Variants in SPECC1L observed in about 807,000 individuals in gnomAD.
SPECC1L encodes sperm antigen with calponin homology and coiled-coil domains 1 like.
A neutral mutation model predicts 116.8 loss-of-function variants in SPECC1L; 40 were observed. That is an observed-to-expected ratio of 0.34 (90% confidence interval 0.27 to 0.45). The LOEUF is 0.45. Among genes scored for constraint, SPECC1L ranks in the 20% least tolerant of loss-of-function variants. The pLI is 1.00. For missense variants in SPECC1L, 1,110 were observed against 1,373.6 expected (o/e 0.81, Z 3.03); for synonymous variants, 504 against 500.6 (o/e 1.01, Z -0.09).
chr22:24,362,878 G>A (rs145889162), intron 11 of SPECC1L, among the ~76,000 whole-genome samples: 1 of 152,148 alleles, frequency 6.6e-6, no homozygotes, highest in South Asian at 2.1e-4. Flanking sequence ...ATATTAATGT[G>A]TGTAGCTTCC....
intron 8 of SPECC1L, among the ~76,000 whole-genome samples, chr22:24,334,016 T>TG (rs1427866377): frequency 1.4e-5 from 2 of 148,118 alleles, no homozygotes; most frequent in African/African-American, 4.9e-5. Flanking sequence ...TTTTTGTTGT[T>TG]TTTTTTTTTT....
At chr22:24,271,076 AGAC>A (rs2048713220) in intron 1 of SPECC1L, 93 bp downstream of exon 1, 1 of 152,240 alleles carries the variant, frequency 6.6e-6, no homozygotes, top group Admixed American at 6.5e-5. Flanking sequence ...GCGTCCCCGC[AGAC>A]CCCGGCAGGC....
chr22:24,303,752 T>C (rs1262640239), intron 3 of SPECC1L, among the ~76,000 whole-genome samples: 1 of 152,086 alleles, frequency 6.6e-6, no homozygotes, highest in Admixed American at 6.6e-5. Context: ...GTGAGTACTT[T>C]TCCACTGTAA....
intron 10 of SPECC1L, among the ~76,000 whole-genome samples, chr22:24,344,500 C>T (rs1030206713): frequency 3.3e-5 from 5 of 151,642 alleles, no homozygotes; most frequent in Non-Finnish European, 7.4e-5. Flanking sequence ...AATGCTTTCC[C>T]ACCAGGATCA....
chr22:24,277,945 A>G (rs2048869049), intron 2 of SPECC1L, among the ~76,000 whole-genome samples: 1 of 152,252 alleles, frequency 6.6e-6, no homozygotes, highest in Non-Finnish European at 1.5e-5. Context: ...TATGTTAAAC[A>G]CTTTGAGAAA....
At chr22:24,397,537 A>G (rs1415777392) in intron 14 of SPECC1L, among the ~76,000 whole-genome samples, 2 of 152,184 alleles carry the variant, frequency 1.3e-5, no homozygotes, top group Non-Finnish European at 2.9e-5. Context: ...TCTTCCTCTG[A>G]AATACCAGTA....
At position 24,414,595 on chromosome 22, in the gene SPECC1L, C is replaced by A. The variant is rs1247798129; in HGVS notation, c.3326C>A (p.Thr1109Lys). 1.2e-6 allele frequency: 2 copies of A among 1,613,992 alleles called. No homozygotes were observed. Among genetic ancestry groups the A allele is most frequent in the Non-Finnish European group, 8.5e-7 (1 of 1,179,984 alleles). ...PDWQNVMLYV[T>K]AIYKYFET ...TGGCAGAACGTGATGCTGTATGTGACGGCGATCTACAAGTACTTTGAGACC... is the reference window on the plus strand; with the variant it reads ...TGGCAGAACGTGATGCTGTATGTGAAGGCGATCTACAAGTACTTTGAGACC... The change falls in exon 17 of 17, where the codon ACG (threonine) becomes AAG (lysine). Residue 1109 changes from threonine to lysine, a missense_variant. By Grantham distance (78) the Thr-to-Lys change is moderately conservative. Around this residue, in one of 4 missense-constraint regions of SPECC1L, gnomAD observed 76 missense variants for 148.5 expected, o/e 0.51. Coordinates refer to ENST00000314328, the MANE Select transcript of SPECC1L (RefSeq NM_015330.6).
chr22:24,369,049 G>A lies in SPECC1L; in HGVS notation c.2985-169G>A, dbSNP rs549700434. On this transcript the variant is annotated intron_variant, in intron 13 of 16. Transcript: ENST00000314328. The stretch of plus-strand genomic sequence containing the variant: ...GTTAGCAAAGAATTCTGACAACAGT[G>A]CATCTATGGAGCCATAAACTAAAAA... Among the ~76,000 whole-genome samples, 23 of 152,308 alleles carry A rather than the reference G, an allele frequency of 1.5e-4. 1 individual carries two copies. The East Asian group carries it at 4.4e-3, about 29-fold the overall frequency.
chr22:24,312,146 A>C (rs941340687), intron 3 of SPECC1L, among the ~76,000 whole-genome samples: 9 of 152,008 alleles, frequency 5.9e-5, no homozygotes, highest in African/African-American at 2.2e-4. Flanking sequence ...TTAGTTTTCA[A>C]ATTTTTTGTA....
At chr22:24,379,128 A>G (rs963636633) in intron 14 of SPECC1L, among the ~76,000 whole-genome samples, 3 of 152,136 alleles carry the variant, frequency 2.0e-5, no homozygotes, top group Non-Finnish European at 2.9e-5. Context: ...TTAGAACATT[A>G]TAAATTACTT....
chr22:24,317,770 C>T (rs1240003927), intron 4 of SPECC1L, among the ~76,000 whole-genome samples: 20 of 146,410 alleles, frequency 1.4e-4, no homozygotes, highest in Non-Finnish European at 1.6e-4. Flanking sequence ...TCAGACGGGG[C>T]GGCTGCTGGG....
chr22:24,285,488 A>G (rs1304543100), intron 2 of SPECC1L, among the ~76,000 whole-genome samples: 2 of 152,134 alleles, frequency 1.3e-5, no homozygotes, highest in South Asian at 2.1e-4. Flanking sequence ...ATTCTACCCA[A>G]CCAGTCTGAG....
In SPECC1L at chr22:24,417,534, C is replaced by G. The variant is rs1055374839; in HGVS notation, c.*2911C>G. On this transcript the variant is annotated 3_prime_UTR_variant, in exon 17 of 17. Coordinates refer to ENST00000314328, the MANE Select transcript of SPECC1L (RefSeq NM_015330.6). Reference sequence around the variant, plus strand: ...TGACAGATGCCAAGACCCCAGAGACCGTGGCAGAGCTACCCCCAGGAGAGC... The same window carrying G: ...TGACAGATGCCAAGACCCCAGAGACGGTGGCAGAGCTACCCCCAGGAGAGC... 3 of 152,312 alleles carry G rather than the reference C, an allele frequency of 2.0e-5. No individual in the cohort carries two copies. The highest frequency in any genetic ancestry group is 7.2e-5 in the African/African-American group (3 of 41,444). 9.4% of individuals were successfully genotyped at this position (152,312 alleles called of 1,614,324 possible). A position where few individuals can be genotyped will look rare whatever the true frequency, so the allele number is the denominator to read the frequency against.
At chr22:24,377,432 G>T (rs1353764572) in intron 14 of SPECC1L, among the ~76,000 whole-genome samples, 1 of 152,086 alleles carries the variant, frequency 6.6e-6, no homozygotes, top group African/African-American at 2.4e-5. Context: ...CTGGTTTGTT[G>T]TAGACATTTG....
intron 10 of SPECC1L, among the ~76,000 whole-genome samples, chr22:24,345,588 A>G (rs139296789): frequency 1.3e-5 from 2 of 152,332 alleles, no homozygotes; most frequent in East Asian, 3.9e-4. Flanking sequence ...ACAACCCAAT[A>G]AATAATGGGC....
chr22:24,380,396 C>T (rs1029817425), intron 14 of SPECC1L, among the ~76,000 whole-genome samples: 9 of 152,154 alleles, frequency 5.9e-5, no homozygotes, highest in African/African-American at 2.2e-4. Flanking sequence ...AGAGCAGAAG[C>T]TGTTACGTGA....
At chr22:24,279,707 C>T (rs913579477) in intron 2 of SPECC1L, among the ~76,000 whole-genome samples, 1 of 152,118 alleles carries the variant, frequency 6.6e-6, no homozygotes, top group South Asian at 2.1e-4. Flanking sequence ...CTCAGCCTTC[C>T]GAGTAGCTGG....
chr22:24,378,763 T>C (rs557264547), intron 14 of SPECC1L, among the ~76,000 whole-genome samples: 67 of 152,306 alleles, frequency 4.4e-4, no homozygotes, highest in African/African-American at 1.6e-3. Context: ...CACTGTCTTA[T>C]ATGGGCACAG....
rs1162160805 is a variant in SPECC1L at position 24,350,547 on chromosome 22, G to A, written c.2743+3371G>A. Among the ~76,000 whole-genome samples, 6 of 152,140 alleles carry A rather than the reference G, an allele frequency of 3.9e-5. No individual in the cohort carries two copies. The East Asian group carries it at 1.2e-3, about 29-fold the overall frequency. On this transcript the variant is annotated intron_variant, in intron 11 of 16. Transcript: ENST00000314328. ...GTAGCACAAGTGGCTGAGAATGATA[G>A]CTCTCATTGGCCCACAAGTCAAAGA...
Sources: allele counts gnomAD v4.1 joint callset (sites outside exome capture counted in the v4.1 genomes callset), GRCh38; gene constraint gnomAD v4.1.1; regional missense constraint gnomAD v4.1.1; transcripts MANE v1.5; gene names NCBI Gene and HGNC (gene_info 2026-07-23, HGNC 2026-07-21).